Variants in LTBP1 observed in about 807,000 individuals in gnomAD.
LTBP1 encodes the protein latent transforming growth factor beta binding protein 1.
LTBP1 carries 129 observed loss-of-function variants against 207.6 expected under a neutral mutation model. The ratio of observed to expected loss-of-function variants is 0.62; its 90% CI spans 0.54 to 0.72. The LOEUF is 0.72. Ranked by LOEUF, LTBP1 falls within the 30% of genes least tolerant of loss-of-function variation. The pLI, the probability that LTBP1 is intolerant of heterozygous loss-of-function variation, is 0.00. For missense variants in LTBP1, 2,281 were observed against 2,217.2 expected (o/e 1.03, Z -0.58); for synonymous variants, 963 against 833.7 (o/e 1.16, Z -2.67).
At chr2:33,183,041 T>C (rs2086834397) in intron 5 of LTBP1, among the ~76,000 whole-genome samples, 1 of 152,174 alleles carries the variant, frequency 6.6e-6, no homozygotes, top group Non-Finnish European at 1.5e-5. Flanking sequence ...ATGTTTGCTT[T>C]TCATTGTATA....
At chr2:33,177,198 T>G (rs1039912395) in intron 5 of LTBP1, among the ~76,000 whole-genome samples, 3 of 152,236 alleles carry the variant, frequency 2.0e-5, no homozygotes, top group Non-Finnish European at 4.4e-5. Context: ...TGTAATCGAC[T>G]CATGTTATAT....
At chr2:33,073,926 C>T (rs1460655206) in intron 3 of LTBP1, among the ~76,000 whole-genome samples, 1 of 152,186 alleles carries the variant, frequency 6.6e-6, no homozygotes, top group Non-Finnish European at 1.5e-5. Context: ...TGTGAGTTTC[C>T]CATTTTTGCT....
Position 33,050,901 on chromosome 2 carries a change from T to G in LTBP1, c.863+29695T>G, listed in dbSNP as rs180735660. ...GGCGGGCATCACCATGCCCAGCTAATTTTTATATTTTTAGTAGAGACAGGG... is the reference window on the plus strand; with the variant it reads ...GGCGGGCATCACCATGCCCAGCTAAGTTTTATATTTTTAGTAGAGACAGGG... On this transcript the variant is annotated intron_variant, in intron 3 of 33. Transcript: ENST00000404816. 7.0e-3 allele frequency among the ~76,000 whole-genome samples: 1,069 copies of G among 152,220 alleles called. 13 individuals carry two copies. Among genetic ancestry groups the G allele is most frequent in the African/African-American group, 0.024 (990 of 41,538 alleles).
At chr2:33,131,094 C>T (rs750442748) in intron 4 of LTBP1, among the ~76,000 whole-genome samples, 3 of 152,140 alleles carry the variant, frequency 2.0e-5, no homozygotes, top group Non-Finnish European at 2.9e-5. Flanking sequence ...AAAATGACCT[C>T]CAGCATCCTG....
chr2:33,365,272 C>T, intron 30 of LTBP1, 61 bp from the exon 31 acceptor site: 1 of 1,461,534 alleles, frequency 6.8e-7, no homozygotes, highest in Non-Finnish European at 9.5e-7. Flanking sequence ...TGGCTTCCAA[C>T]ACAGTGTTTA....
In LTBP1 at chr2:33,274,336, C is replaced by T. The variant is rs532368349; in HGVS notation, c.2743+555C>T. On this transcript the variant is annotated intron_variant, in intron 16 of 33. Transcript: ENST00000404816. Reference sequence around the variant, plus strand: ...TTTAATGTGACTCTAAATTTAATTTCTCTTTTTTTTTTTAAGAAAAAGAAA... The same window carrying T: ...TTTAATGTGACTCTAAATTTAATTTTTCTTTTTTTTTTTAAGAAAAAGAAA... 3.4e-3 allele frequency among the ~76,000 whole-genome samples: 411 copies of T among 120,966 alleles called. 2 individuals are homozygous for T. Among genetic ancestry groups the T allele is most frequent in the African/African-American group, 0.012 (389 of 31,634 alleles). 79.4% of individuals were successfully genotyped at this position (120,966 alleles called of 152,430 possible). A position where few individuals can be genotyped will look rare whatever the true frequency, so the allele number is the denominator to read the frequency against.
intron 24 of LTBP1, among the ~76,000 whole-genome samples, chr2:33,340,012 G>A (rs2094598348): frequency 6.6e-6 from 1 of 152,034 alleles, no homozygotes. Context: ...AGTGAATACA[G>A]TTTTAGGCTT....
chr2:33,062,433 T>G (rs1049978120), intron 3 of LTBP1, among the ~76,000 whole-genome samples: 2 of 152,236 alleles, frequency 1.3e-5, no homozygotes, highest in African/African-American at 4.8e-5. Flanking sequence ...TTAGCTTCTG[T>G]GTTTAGGTCT....
chr2:33,367,880 A>G (rs184184898), intron 31 of LTBP1, among the ~76,000 whole-genome samples: 1 of 152,300 alleles, frequency 6.6e-6, no homozygotes, highest in African/African-American at 2.4e-5. Flanking sequence ...TAAATAAATC[A>G]TGTACATCTA....
chr2:33,336,565 C>T (rs930731387), intron 24 of LTBP1, among the ~76,000 whole-genome samples: 3 of 152,136 alleles, frequency 2.0e-5, no homozygotes, highest in Admixed American at 6.5e-5. Context: ...ACAGGAAGCC[C>T]GTTTCTTCAC....
intron 4 of LTBP1, among the ~76,000 whole-genome samples, chr2:33,119,558 T>G (rs2080977763): frequency 1.3e-5 from 2 of 152,080 alleles, no homozygotes; most frequent in African/African-American, 4.8e-5. Context: ...ATACCTTTCT[T>G]TCTTTCTTTT....
chr2:33,120,994 C>T (rs1209080498), intron 4 of LTBP1, among the ~76,000 whole-genome samples: 1 of 152,136 alleles, frequency 6.6e-6, no homozygotes, highest in Non-Finnish European at 1.5e-5. Flanking sequence ...ATTCCCAAAT[C>T]TCTCCCTGAG....
intron 31 of LTBP1, among the ~76,000 whole-genome samples, chr2:33,382,428 T>C (rs1574098178): frequency 6.6e-6 from 1 of 151,884 alleles, no homozygotes; most frequent in East Asian, 1.9e-4. Flanking sequence ...CTATTATACA[T>C]GCTTATGACT....
intron 1 of LTBP1, among the ~76,000 whole-genome samples, chr2:32,948,249 C>T (rs888977127): frequency 6.6e-6 from 1 of 152,204 alleles, no homozygotes; most frequent in African/African-American, 2.4e-5. Flanking sequence ...AGATCCAGCT[C>T]CTGTTCTGTG....
intron 3 of LTBP1, among the ~76,000 whole-genome samples, chr2:33,084,376 G>A (rs1285718424): frequency 2.6e-5 from 4 of 152,184 alleles, no homozygotes; most frequent in Non-Finnish European, 5.9e-5. Context: ...AGCAGACAGG[G>A]TTCTGGGGGT....
At chr2:33,377,941 C>T (rs915247444) in intron 31 of LTBP1, among the ~76,000 whole-genome samples, 8 of 152,074 alleles carry the variant, frequency 5.3e-5, no homozygotes, top group African/African-American at 1.9e-4. Flanking sequence ...GGAAACTGCC[C>T]CATGATCCAG....
At chr2:33,196,630 G>A (rs9308931) in intron 7 of LTBP1, among the ~76,000 whole-genome samples, 3 of 151,904 alleles carry the variant, frequency 2.0e-5, no homozygotes, top group East Asian at 1.9e-4. Context: ...AGAAATGAAC[G>A]GTTCTGAATT....
chr2:33,154,444 C>G (rs1252194225), intron 5 of LTBP1, among the ~76,000 whole-genome samples: 6 of 152,102 alleles, frequency 3.9e-5, no homozygotes, highest in Admixed American at 2.0e-4. Context: ...TATATATATC[C>G]TTGAAACTGC....
intron 5 of LTBP1, among the ~76,000 whole-genome samples, chr2:33,144,585 T>C (rs1226692020): frequency 6.6e-6 from 1 of 152,214 alleles, no homozygotes; most frequent in Non-Finnish European, 1.5e-5. Context: ...ATTATAACAT[T>C]TGATCCTACT....
Sources: allele counts gnomAD v4.1 joint callset (sites outside exome capture counted in the v4.1 genomes callset), GRCh38; gene constraint gnomAD v4.1.1; transcripts MANE v1.5; gene names NCBI Gene and HGNC (gene_info 2026-07-23, HGNC 2026-07-21).